DCDC2: variants seen among roughly 807,000 people sequenced by gnomAD.
DCDC2 encodes the protein doublecortin domain containing 2.
A neutral mutation model predicts 50.2 loss-of-function variants in DCDC2; 40 were observed. That is an observed-to-expected ratio of 0.80 (90% CI 0.62 to 1.04). DCDC2 has a LOEUF of 1.04. Among genes scored for constraint, DCDC2 ranks in the 50% least tolerant of loss-of-function variants. DCDC2 has a pLI of 0.00. For synonymous variants in DCDC2, 234 were observed against 210.6 expected, an observed-to-expected ratio of 1.11 and a Z score of -0.96; for missense variants, 570 against 581.9, an observed-to-expected ratio of 0.98 and a Z score of 0.21.
chr6:24,249,214 G>A (rs559591157), intron 7 of DCDC2, among the ~76,000 whole-genome samples: 130 of 152,232 alleles, frequency 8.5e-4, no homozygotes, highest in Middle Eastern at 6.8e-3. Flanking sequence ...AAGTTAATGT[G>A]AGCTGATTGT....
chr6:24,210,539 T>C (rs991336974), intron 7 of DCDC2, among the ~76,000 whole-genome samples: 1 of 152,212 alleles, frequency 6.6e-6, no homozygotes, highest in Non-Finnish European at 1.5e-5. Context: ...ATCTTCTCAA[T>C]TCAATCTCCT....
intron 8 of DCDC2, among the ~76,000 whole-genome samples, chr6:24,180,616 T>C (rs1234495018): frequency 2.6e-5 from 4 of 151,936 alleles, no homozygotes; most frequent in Non-Finnish European, 5.9e-5. Flanking sequence ...TAGGGTAGAA[T>C]GATTTATTTG....
At chr6:24,199,402 A>C (rs1761530967) in intron 8 of DCDC2, among the ~76,000 whole-genome samples, 1 of 152,252 alleles carries the variant, frequency 6.6e-6, no homozygotes, top group Non-Finnish European at 1.5e-5. Context: ...AAACTCCAGC[A>C]GACCTGCAGC....
At chr6:24,180,762 T>G (rs1269770003) in intron 8 of DCDC2, among the ~76,000 whole-genome samples, 4 of 152,148 alleles carry the variant, frequency 2.6e-5, no homozygotes, top group Non-Finnish European at 5.9e-5. Flanking sequence ...GCCCATCTCT[T>G]CTAACTGACC....
chr6:24,225,303 C>T (rs946024815), intron 7 of DCDC2, among the ~76,000 whole-genome samples: 5 of 152,114 alleles, frequency 3.3e-5, no homozygotes. Context: ...TCCTGAGCAC[C>T]TGCAACATGT....
chr6:24,307,048 A>G (rs1759486876), intron 2 of DCDC2, among the ~76,000 whole-genome samples: 2 of 152,202 alleles, frequency 1.3e-5, no homozygotes, highest in African/African-American at 4.8e-5. Context: ...ACATGAGCCA[A>G]TTCAACACTT....
At chr6:24,346,668 C>T (rs1055890713) in intron 2 of DCDC2, among the ~76,000 whole-genome samples, 1 of 151,524 alleles carries the variant, frequency 6.6e-6, no homozygotes, top group African/African-American at 2.4e-5. Context: ...CATGGAGAAT[C>T]GCTTGAACGC....
At chr6:24,226,507 A>G (rs563670287) in intron 7 of DCDC2, among the ~76,000 whole-genome samples, 1 of 152,324 alleles carries the variant, frequency 6.6e-6, no homozygotes, top group Admixed American at 6.5e-5. Context: ...TTGCATCCAA[A>G]AGAGACAGGC....
rs141060456 is a variant in DCDC2 at position 24,301,729 on chromosome 6, G to A, written c.543C>T (p.Ser181=). 7.7e-5 allele frequency: 125 copies of A among 1,613,920 alleles called. No individual in the cohort carries two copies. Among genetic ancestry groups the A allele is most frequent in the Admixed American group, 4.0e-4 (24 of 59,978 alleles). ...QMVTEKITLR[S]GAVHRLYTLE... is the part of the protein sequence containing the mutation. Reference sequence around the variant, plus strand: ...TTTTGACATACCTGTGAACAGCCCCGCTCCTCAGAGTGATTTTTTCTGTGA... The same window carrying A: ...TTTTGACATACCTGTGAACAGCCCCACTCCTCAGAGTGATTTTTTCTGTGA... Residue 181 remains serine (S), a synonymous_variant, in exon 4 of 10, where the codon AGC becomes AGT. Coordinates refer to ENST00000378454, the MANE Select transcript of DCDC2 (RefSeq NM_016356.5).
chr6:24,224,540 T>C (rs1313053463), intron 7 of DCDC2, among the ~76,000 whole-genome samples: 3 of 152,126 alleles, frequency 2.0e-5, no homozygotes, highest in South Asian at 4.1e-4. Flanking sequence ...TGCATGTATA[T>C]GTACACACAC....
chr6:24,339,961 A>G (rs1006794870), intron 2 of DCDC2, among the ~76,000 whole-genome samples: 1 of 152,240 alleles, frequency 6.6e-6, no homozygotes, highest in Non-Finnish European at 1.5e-5. Context: ...ATGATTATAC[A>G]TAAGGAAATG....
Position 24,264,962 on chromosome 6 carries a change from A to C in DCDC2, c.922+13087T>G, listed in dbSNP as rs117722857. On this transcript the variant is annotated intron_variant, in intron 7 of 9. Coordinates refer to ENST00000378454, the MANE Select transcript of DCDC2 (RefSeq NM_016356.5). ...TGCAGATGGAAACCATAAAAGAGCAAAAATAGCTATACTTATATCAGACAA... is the reference window on the plus strand; with the variant it reads ...TGCAGATGGAAACCATAAAAGAGCACAAATAGCTATACTTATATCAGACAA... Among the ~76,000 whole-genome samples the C allele has an allele frequency of 1.1e-3, 166 of 152,246 alleles. No homozygotes were observed. The East Asian group carries it at 0.014, about 13-fold the overall frequency.
chr6:24,274,605 C>CAAAAAAAAAAAAAAAAAAAAAAAA (rs61569208), intron 7 of DCDC2, among the ~76,000 whole-genome samples: 8 of 82,404 alleles, frequency 9.7e-5, no homozygotes, highest in African/African-American at 1.8e-4. Context: ...GAAACAGAGT[C>CAAAAAAAAAAAAAAAAAAAAAAAA]AAAAAAAAAA....
At chr6:24,252,600 CAA>C (rs1369577484) in intron 7 of DCDC2, among the ~76,000 whole-genome samples, 2 of 152,018 alleles carry the variant, frequency 1.3e-5, no homozygotes, top group African/African-American at 4.8e-5. Flanking sequence ...AGCAAGAGGG[CAA>C]AGAGATTTAA....
chr6:24,238,138 A>G (rs370476897), intron 7 of DCDC2, among the ~76,000 whole-genome samples: 199 of 1,126 alleles, frequency 0.18, 13 homozygotes, highest in South Asian at 0.62. Context: ...GGAAAGGAGG[A>G]AGGGATGCAG....
At chr6:24,292,872 G>A (rs752807797) in intron 4 of DCDC2, among the ~76,000 whole-genome samples, 60 of 152,108 alleles carry the variant, frequency 3.9e-4, no homozygotes, top group Non-Finnish European at 7.8e-4. Context: ...TCCCCAGTTG[G>A]GACTACCAAA....
intron 7 of DCDC2, among the ~76,000 whole-genome samples, chr6:24,255,614 A>T (rs929497418): frequency 6.6e-6 from 1 of 152,174 alleles, no homozygotes; most frequent in Non-Finnish European, 1.5e-5. Flanking sequence ...AATACAACAG[A>T]AAAATGGACA....
chr6:24,266,534 A>G (rs1486327359), intron 7 of DCDC2, among the ~76,000 whole-genome samples: 3 of 152,224 alleles, frequency 2.0e-5, no homozygotes, highest in African/African-American at 4.8e-5. Flanking sequence ...CTCTCAAAAG[A>G]TGACACAGAA....
At chr6:24,359,485 TATA>T (rs1760616528), upstream of DCDC2, among the ~76,000 whole-genome samples, 1 of 7,714 alleles carries the variant, frequency 1.3e-4, no homozygotes, top group African/African-American at 2.2e-4. Context: ...ATATTTTATA[TATA>T]ATATATTATA....
Sources: gnomAD v4.1 joint callset for allele counts (sites outside exome capture counted in the v4.1 genomes callset) on GRCh38, gnomAD v4.1.1 for gene constraint, MANE v1.5 for transcripts, NCBI Gene and HGNC (gene_info 2026-07-23, HGNC 2026-07-21) for gene names.